The following PTPRT variants were observed in gnomAD, a reference collection of about 807,000 sequenced individuals.
PTPRT encodes the protein protein tyrosine phosphatase receptor type T, also known as receptor-type tyrosine-protein phosphatase T.
Under a neutral mutation model 176.8 loss-of-function variants are expected in PTPRT, and 56 were observed. The ratio of observed to expected loss-of-function variants is 0.32; its 90% CI spans 0.26 to 0.40. The LOEUF (loss-of-function observed/expected upper bound fraction) is 0.40, where lower values mean the gene tolerates loss of function less well. PTPRT is among the 10% of genes least tolerant of loss of function. The probability of loss-of-function intolerance (pLI) is 1.00; values close to 1 mark genes in which losing one functional copy is unlikely to be tolerated. For missense variants in PTPRT, 1,540 were observed against 1,908.2 expected, an observed-to-expected ratio of 0.81 and a Z score of 3.60; for synonymous variants, 783 against 739.0, an observed-to-expected ratio of 1.06 and a Z score of -0.96.
At chr20:42,611,024 A>G (rs1600468210) in intron 7 of PTPRT, among the ~76,000 whole-genome samples, 2 of 152,268 alleles carry the variant, frequency 1.3e-5, no homozygotes, top group South Asian at 4.1e-4. Context: ...TTGTGGAAAA[A>G]GTGTTCACTG....
intron 6 of PTPRT, among the ~76,000 whole-genome samples, chr20:42,679,350 T>C (rs1285196515): frequency 6.6e-6 from 1 of 151,306 alleles, no homozygotes; most frequent in Non-Finnish European, 1.5e-5. Flanking sequence ...ACCAAGGTCA[T>C]GGAGAAGGTA....
chr20:42,698,358 G>T (rs563968169), intron 6 of PTPRT, among the ~76,000 whole-genome samples: 3 of 152,238 alleles, frequency 2.0e-5, no homozygotes, highest in South Asian at 4.2e-4. Flanking sequence ...AAACTGCAGG[G>T]CTTAATGCTT....
At chr20:42,305,088 C>T (rs1052245960) in intron 12 of PTPRT, among the ~76,000 whole-genome samples, 1 of 152,184 alleles carries the variant, frequency 6.6e-6, no homozygotes, top group Non-Finnish European at 1.5e-5. Flanking sequence ...TGCAGTGGCT[C>T]CTGCTTGTAA....
At chr20:42,981,851 TA>T (rs1983298677) in intron 1 of PTPRT, among the ~76,000 whole-genome samples, 1 of 152,216 alleles carries the variant, frequency 6.6e-6, no homozygotes, top group Non-Finnish European at 1.5e-5. Context: ...TTCCCTTTTC[TA>T]ATGGATGGCT....
rs945232804 is a variant in PTPRT at position 42,388,320 on chromosome 20, T to C, written c.1561-36035A>G. ...AGCTTCTGCACAGCAAAAGAAACTA[T>C]CATCAGAGTGAACAGGCAACCTACA... On this transcript the variant is annotated intron_variant, in intron 9 of 30. Transcript: ENST00000373187. Among the ~76,000 whole-genome samples, 72 of 152,056 alleles carry C rather than the reference T, an allele frequency of 4.7e-4. 1 individual carries two copies. Among genetic ancestry groups the C allele is most frequent in the Non-Finnish European group, 3.2e-4 (22 of 68,018 alleles).
At chr20:42,103,807 G>A (rs979005603) in intron 25 of PTPRT, among the ~76,000 whole-genome samples, 6 of 152,182 alleles carry the variant, frequency 3.9e-5, no homozygotes, top group African/African-American at 1.2e-4. Context: ...TCACAACTTG[G>A]ACTAGAACTG....
intron 27 of PTPRT, 128 bp from the exon 28 acceptor site, chr20:42,085,981 C>G (rs1390499672): frequency 1.7e-6 from 2 of 1,171,536 alleles, no homozygotes; most frequent in Non-Finnish European, 1.2e-6. Context: ...GAGCATCACT[C>G]TTGTTGCCCA....
At chr20:42,491,512 G>A (rs765675486) in intron 7 of PTPRT, among the ~76,000 whole-genome samples, 1 of 152,160 alleles carries the variant, frequency 6.6e-6, no homozygotes, top group Non-Finnish European at 1.5e-5. Flanking sequence ...GTGTCAAGAG[G>A]TGGAGCCTTT....
At chr20:42,212,382 G>A (rs2055662291) in intron 15 of PTPRT, among the ~76,000 whole-genome samples, 1 of 137,654 alleles carries the variant, frequency 7.3e-6, no homozygotes, top group African/African-American at 2.7e-5. Context: ...GCTAGTGCTA[G>A]GAAAATAAAG....
At chr20:42,883,916 A>T (rs904408411) in intron 2 of PTPRT, among the ~76,000 whole-genome samples, 1 of 2,618 alleles carries the variant, frequency 3.8e-4, no homozygotes, top group Non-Finnish European at 7.9e-4. Flanking sequence ...ACACACACAC[A>T]TACCAGTACA....
intron 1 of PTPRT, among the ~76,000 whole-genome samples, chr20:43,001,835 T>C (rs1443458253): frequency 6.6e-6 from 1 of 151,790 alleles, no homozygotes; most frequent in African/African-American, 2.4e-5. Context: ...TGGTCTGGAT[T>C]ACACAGTATC....
intron 7 of PTPRT, among the ~76,000 whole-genome samples, chr20:42,513,227 TG>T (rs1461400242): frequency 3.3e-5 from 5 of 151,872 alleles, no homozygotes; most frequent in African/African-American, 1.2e-4. Context: ...TGTGTGTGTG[TG>T]TGTGTGTGTG....
chr20:43,017,437 T>C (rs563799275), intron 1 of PTPRT, among the ~76,000 whole-genome samples: 1 of 152,248 alleles, frequency 6.6e-6, no homozygotes, highest in East Asian at 1.9e-4. Context: ...TCGGTCTTGC[T>C]CTCCATCTCT....
chr20:42,461,027 G>A (rs1047210454), intron 8 of PTPRT, among the ~76,000 whole-genome samples: 1 of 152,066 alleles, frequency 6.6e-6, no homozygotes, highest in African/African-American at 2.4e-5. Context: ...TACAAAAAAA[G>A]TAAAAATAAA....
At chr20:42,401,133 TAATAAATAAATAAATA>T (rs10608287) in intron 9 of PTPRT, among the ~76,000 whole-genome samples, 3 of 148,412 alleles carry the variant, frequency 2.0e-5, no homozygotes, top group Admixed American at 6.8e-5. Context: ...GTCAAAACAG[TAATAAATAAATAAATA>T]AATAAATAAA....
intron 9 of PTPRT, among the ~76,000 whole-genome samples, chr20:42,386,854 C>T (rs1038178395): frequency 5.9e-5 from 9 of 151,914 alleles, no homozygotes; most frequent in South Asian, 2.1e-4. Flanking sequence ...AGTGAGACTC[C>T]GTCTCAAACA....
At chr20:42,633,814 TATATA>T (rs1219119498) in intron 7 of PTPRT, among the ~76,000 whole-genome samples, 2 of 62,314 alleles carry the variant, frequency 3.2e-5, no homozygotes, top group African/African-American at 1.2e-4. Flanking sequence ...TATATATATA[TATATA>T]ATAAAATATT....
intron 1 of PTPRT, among the ~76,000 whole-genome samples, chr20:43,142,109 C>A (rs947640960): frequency 6.6e-6 from 1 of 152,222 alleles, no homozygotes; most frequent in Admixed American, 6.5e-5. Flanking sequence ...CTAAGAATTG[C>A]TAAGAGGACT....
intron 16 of PTPRT, among the ~76,000 whole-genome samples, chr20:42,190,767 T>C (rs1239886153): frequency 6.6e-6 from 1 of 152,226 alleles, no homozygotes; most frequent in Non-Finnish European, 1.5e-5. Flanking sequence ...TGACTCAGTG[T>C]CTGTGGCCTT....
Sources: allele counts gnomAD v4.1 joint callset (sites outside exome capture counted in the v4.1 genomes callset), GRCh38; gene constraint gnomAD v4.1.1; transcripts MANE v1.5; gene names NCBI Gene and HGNC (gene_info 2026-07-23, HGNC 2026-07-21).